Variants in SLC30A9 observed in about 807,000 individuals in gnomAD.
SLC30A9 encodes the protein proton-coupled zinc antiporter SLC30A9, mitochondrial.
SLC30A9 carries 58 observed loss-of-function variants against 87.5 expected under a neutral mutation model. The observed-to-expected ratio is 0.66, with a 90% CI of 0.54 to 0.82. The LOEUF is 0.82. Ranked by LOEUF, SLC30A9 falls within the 40% of genes least tolerant of loss-of-function variation. The pLI is 0.00. For synonymous variants in SLC30A9, 234 were observed against 233.0 expected (o/e 1.00, Z -0.04); for missense variants, 557 against 679.1 (o/e 0.82, Z 2.00).
intron 17 of SLC30A9, among the ~76,000 whole-genome samples, chr4:42,082,847 C>CAA (rs1210396427): frequency 1.3e-4 from 9 of 71,752 alleles, no homozygotes; most frequent in African/African-American, 1.5e-4. Context: ...GACTCCATCT[C>CAA]AAAAAAAAAA....
chr4:42,065,983 A>G (rs1053841003), intron 12 of SLC30A9, among the ~76,000 whole-genome samples: 5 of 152,220 alleles, frequency 3.3e-5, no homozygotes, highest in Non-Finnish European at 7.3e-5. Flanking sequence ...GAAGAATATT[A>G]TTTACTGGCT....
intron 4 of SLC30A9, among the ~76,000 whole-genome samples, chr4:42,021,412 G>A (rs557181651): frequency 7.1e-4 from 108 of 152,150 alleles, no homozygotes; most frequent in African/African-American, 2.5e-3. Context: ...TTAAATCTAG[G>A]TTTAATTTCT....
chr4:42,043,683 G>A (rs769267375), intron 8 of SLC30A9, among the ~76,000 whole-genome samples: 1 of 152,172 alleles, frequency 6.6e-6, no homozygotes, highest in Non-Finnish European at 1.5e-5. Flanking sequence ...AACCTAGCAA[G>A]ACAGGCTAAT....
chr4:42,039,053 T>C lies in SLC30A9; in HGVS notation c.737T>C (p.Ile246Thr). The change falls in exon 8 of 18, where the codon ATC (isoleucine) becomes ACC (threonine). Residue 246 changes from isoleucine to threonine, a missense_variant and splice_region_variant. Ile to Thr is a moderately conservative substitution (Grantham distance 89, BLOSUM62 -1). Around this residue, in one of 2 missense-constraint regions of SLC30A9, gnomAD observed 467 missense variants for 529.8 expected, o/e 0.88. Coordinates refer to ENST00000264451, the MANE Select transcript of SLC30A9 (RefSeq NM_006345.4). ...PGKVVMVAIC[I>T]NGLNCFFKFL... ...AAAGTGGTGATGGTTGCAATTTGCATGTAAGTACTGAAAAATAAGCTTTGT... is the reference window on the plus strand; with the variant it reads ...AAAGTGGTGATGGTTGCAATTTGCACGTAAGTACTGAAAAATAAGCTTTGT... 6.2e-7 allele frequency: 1 copy of C among 1,601,680 alleles called. No homozygotes were observed. The highest frequency in any genetic ancestry group is 8.6e-7 in the Non-Finnish European group (1 of 1,168,798).
chr4:42,066,690 T>C, intron 13 of SLC30A9, 69 bp downstream of exon 13: 5 of 1,007,414 alleles, frequency 5.0e-6, no homozygotes, highest in Non-Finnish European at 7.7e-6. Flanking sequence ...AGTACTGTTA[T>C]TGCTTTGTTC....
Position 42,087,204 on chromosome 4 carries a change from AAGTAAATAGCTTTCTACTG to A in SLC30A9, c.*1080_*1098del, listed in dbSNP as rs1577730153. On this transcript the variant is annotated 3_prime_UTR_variant, in exon 18 of 18. Coordinates refer to ENST00000264451, the MANE Select transcript of SLC30A9 (RefSeq NM_006345.4). ...TATAGTTATATTGACTATAACATGT[AAGTAAATAGCTTTCTACTG>A]ACCCTAAGTTATCAAGGTGGAAAAA... 1 of 152,214 alleles carries A rather than the reference AAGTAAATAGCTTTCTACTG, an allele frequency of 6.6e-6. No homozygotes were observed. Among genetic ancestry groups the A allele is most frequent in the African/African-American group, 2.4e-5 (1 of 41,452 alleles). 9.4% of individuals were successfully genotyped at this position (152,214 alleles called of 1,614,324 possible).
chr4:42,032,014 T>G (rs1314116797), intron 6 of SLC30A9, among the ~76,000 whole-genome samples: 1 of 152,184 alleles, frequency 6.6e-6, no homozygotes, highest in Non-Finnish European at 1.5e-5. Flanking sequence ...CTGGGGAGCC[T>G]CAGGAAGCTT....
rs1454419724 is a variant in SLC30A9 at position 42,087,227 on chromosome 4, C to T, written c.*1101C>T. ...GTAAGTAAATAGCTTTCTACTGACC[C>T]TAAGTTATCAAGGTGGAAAAAAAAC... On this transcript the variant is annotated 3_prime_UTR_variant, in exon 18 of 18. Transcript: ENST00000264451. The T allele has an allele frequency of 6.6e-6, 1 of 152,000 alleles. No individual in the cohort carries two copies. Among genetic ancestry groups the T allele is most frequent in the Non-Finnish European group, 1.5e-5 (1 of 68,016 alleles). 9.4% of individuals were successfully genotyped at this position (152,000 alleles called of 1,614,324 possible).
chr4:42,070,586 C>T lies in SLC30A9; in HGVS notation c.1313C>T (p.Ser438Leu), dbSNP rs748696224. Residue 438 changes from serine to leucine, a missense_variant, in exon 15 of 18, where the codon TCA (serine) becomes TTA (leucine). Ser to Leu is a moderately radical substitution (Grantham distance 145). Around this residue, in one of 2 missense-constraint regions of SLC30A9, gnomAD observed 467 missense variants for 529.8 expected, o/e 0.88. Coordinates refer to ENST00000264451, the MANE Select transcript of SLC30A9 (RefSeq NM_006345.4). ...GTGGGCACCTTATTAGGCATGGTCT[C>T]AGCATTCCTCATCTACACTAACACA... ...LGVGTLLGMV[S>L]AFLIYTNTEA... is the part of the protein sequence containing the mutation. The T allele has an allele frequency of 6.2e-7, 1 of 1,613,912 alleles. No individual in the cohort carries two copies. Among genetic ancestry groups the T allele is most frequent in the Non-Finnish European group, 8.5e-7 (1 of 1,179,872 alleles).
At chr4:42,083,602 C>G (rs967063924) in intron 17 of SLC30A9, among the ~76,000 whole-genome samples, 1 of 151,226 alleles carries the variant, frequency 6.6e-6, no homozygotes, top group Non-Finnish European at 1.5e-5. Flanking sequence ...AATTTTTAGG[C>G]TTTTTTTTAA....
At chr4:42,057,719 TG>T (rs1252361772) in intron 9 of SLC30A9, among the ~76,000 whole-genome samples, 1 of 152,208 alleles carries the variant, frequency 6.6e-6, no homozygotes, top group Admixed American at 6.5e-5. Context: ...GCAGCTGGCT[TG>T]AATTTCTCCT....
At chr4:42,069,571 G>C (rs1718222592) in intron 14 of SLC30A9, among the ~76,000 whole-genome samples, 1 of 152,072 alleles carries the variant, frequency 6.6e-6, no homozygotes, top group Non-Finnish European at 1.5e-5. Flanking sequence ...TAGTGTTACA[G>C]CTTAGCAAAA....
At chr4:42,026,530 T>G (rs1464498247) in intron 6 of SLC30A9, among the ~76,000 whole-genome samples, 2 of 152,234 alleles carry the variant, frequency 1.3e-5, no homozygotes, top group Admixed American at 1.3e-4. Flanking sequence ...GTGAGGTTTC[T>G]CAGAAGAATA....
chr4:42,020,402 T>C lies in SLC30A9; in HGVS notation c.335-14T>C. The C allele has an allele frequency of 8.0e-7, 1 of 1,246,352 alleles. No individual in the cohort carries two copies. Among genetic ancestry groups the C allele is most frequent in the Non-Finnish European group, 1.2e-6 (1 of 859,370 alleles). The allele number at this position is 1,246,352 out of a possible 1,614,324, so 77.2% of individuals were successfully genotyped here. On this transcript the variant is annotated splice_polypyrimidine_tract_variant and intron_variant, in intron 3 of 17. Transcript: ENST00000264451. ...AATGTGCATATTTATTATGTTTTCC[T>C]GTTTTTTGTTTAGTTAAAGCAGTCC...
chr4:42,061,266 G>C (rs1392010481), intron 10 of SLC30A9, among the ~76,000 whole-genome samples: 1 of 152,136 alleles, frequency 6.6e-6, no homozygotes, highest in Non-Finnish European at 1.5e-5. Flanking sequence ...TTGAAATGTG[G>C]CCAGTGCAAC....
Position 42,087,709 on chromosome 4 carries a change from A to ACT in SLC30A9, c.*1586_*1587dup, listed in dbSNP as rs1718972895. 1 of 150,264 alleles carries ACT rather than the reference A, an allele frequency of 6.7e-6. No homozygotes were observed. The highest frequency in any genetic ancestry group is 2.1e-4 in the South Asian group (1 of 4,796). The allele number at this position is 150,264 out of a possible 1,614,324, so 9.3% of individuals were successfully genotyped here. A position where few individuals can be genotyped will look rare whatever the true frequency, so the allele number is the denominator to read the frequency against. Reference sequence around the variant, plus strand: ...TTGTTATATATATATATAATTTGATACTCTATTCTTACAGTTTCAAATTCC... The same window carrying ACT: ...TTGTTATATATATATATAATTTGATACTCTCTATTCTTACAGTTTCAAATTCC... On this transcript the variant is annotated 3_prime_UTR_variant, in exon 18 of 18. Coordinates refer to ENST00000264451, the MANE Select transcript of SLC30A9 (RefSeq NM_006345.4).
chr4:42,015,320 G>T (rs1715668759), intron 2 of SLC30A9, among the ~76,000 whole-genome samples: 1 of 152,112 alleles, frequency 6.6e-6, no homozygotes, highest in Non-Finnish European at 1.5e-5. Flanking sequence ...TGGGGGATTG[G>T]ATGGGAGGCG....
At chr4:42,027,635 A>G (rs1716251872) in intron 6 of SLC30A9, among the ~76,000 whole-genome samples, 1 of 152,192 alleles carries the variant, frequency 6.6e-6, no homozygotes. Flanking sequence ...GGAATACAAT[A>G]TATGTTGACA....
At chr4:42,014,624 T>G (rs1715623767) in intron 2 of SLC30A9, among the ~76,000 whole-genome samples, 2 of 151,800 alleles carry the variant, frequency 1.3e-5, no homozygotes, top group Non-Finnish European at 2.9e-5. Context: ...TGCAGCACTG[T>G]TCACAATAGC....
Sources: allele counts gnomAD v4.1 joint callset (sites outside exome capture counted in the v4.1 genomes callset), GRCh38; gene constraint gnomAD v4.1.1; regional missense constraint gnomAD v4.1.1; transcripts MANE v1.5; gene names NCBI Gene and HGNC (gene_info 2026-07-23, HGNC 2026-07-21).